CHST11: variants seen among roughly 807,000 people sequenced by gnomAD.
The protein encoded by CHST11 is C4S-1.
In CHST11, 9 loss-of-function variants were observed where a neutral mutation model predicts 30.4. The ratio of observed to expected loss-of-function variants is 0.30; its 90% CI spans 0.18 to 0.52. The LOEUF is 0.52. Ranked by LOEUF, CHST11 falls within the 20% of genes least tolerant of loss-of-function variation. The pLI, the probability that CHST11 is intolerant of heterozygous loss-of-function variation, is 0.97. For missense variants in CHST11, 348 were observed against 460.6 expected, an observed-to-expected ratio of 0.76 and a Z score of 2.24; for synonymous variants, 152 against 187.8, an observed-to-expected ratio of 0.81 and a Z score of 1.56.
intron 2 of CHST11, among the ~76,000 whole-genome samples, chr12:104,631,288 T>G (rs1261306658): frequency 6.6e-6 from 1 of 152,232 alleles, no homozygotes; most frequent in Non-Finnish European, 1.5e-5. Context: ...AGTCATTCAC[T>G]CTTCCTCAGA....
chr12:104,663,290 C>T (rs537053840), intron 2 of CHST11, among the ~76,000 whole-genome samples: 2 of 152,320 alleles, frequency 1.3e-5, no homozygotes, highest in East Asian at 3.9e-4. Flanking sequence ...TTTGTGAATA[C>T]TTTTTCTTCT....
At chr12:104,508,666 G>T (rs1334524226) in intron 1 of CHST11, among the ~76,000 whole-genome samples, 1 of 152,104 alleles carries the variant, frequency 6.6e-6, no homozygotes, top group Non-Finnish European at 1.5e-5. Context: ...CCAACCATCA[G>T]CTTTATCCTT....
chr12:104,636,167 C>G (rs1168511079), intron 2 of CHST11, among the ~76,000 whole-genome samples: 6 of 152,168 alleles, frequency 3.9e-5, no homozygotes, highest in Non-Finnish European at 4.4e-5. Flanking sequence ...GAGGCCAGAT[C>G]AGATCCAAGC....
At chr12:104,488,137 AT>A (rs72178473) in intron 1 of CHST11, among the ~76,000 whole-genome samples, 11,828 of 150,360 alleles carry the variant, frequency 0.079, 569 homozygotes, top group East Asian at 0.21. Context: ...TATATGGATG[AT>A]TTTTTTTTTC....
chr12:104,616,040 G>C (rs1327271645), intron 2 of CHST11, among the ~76,000 whole-genome samples: 1 of 152,196 alleles, frequency 6.6e-6, no homozygotes, highest in East Asian at 1.9e-4. Flanking sequence ...ACCAAGTGAA[G>C]GCTGTTTGCT....
intron 1 of CHST11, among the ~76,000 whole-genome samples, chr12:104,583,816 A>G (rs532173945): frequency 6.6e-6 from 1 of 151,734 alleles, no homozygotes; most frequent in East Asian, 2.0e-4. Context: ...GGGTTCAAGC[A>G]AGTCTCCTGC....
intron 2 of CHST11, among the ~76,000 whole-genome samples, chr12:104,627,246 G>A (rs1419999349): frequency 6.6e-6 from 1 of 152,112 alleles, no homozygotes; most frequent in African/African-American, 2.4e-5. Flanking sequence ...ACCTACTGCA[G>A]GACATCTTGG....
At chr12:104,540,875 G>A (rs1017228586) in intron 1 of CHST11, among the ~76,000 whole-genome samples, 1 of 152,124 alleles carries the variant, frequency 6.6e-6, no homozygotes, top group Non-Finnish European at 1.5e-5. Flanking sequence ...AAGTGAAGGG[G>A]TGAGGTAGAA....
intron 1 of CHST11, among the ~76,000 whole-genome samples, chr12:104,529,529 G>A (rs186833428): frequency 6.6e-5 from 10 of 152,300 alleles, no homozygotes; most frequent in East Asian, 3.9e-4. Context: ...TGATTTCTCC[G>A]TGATACATGG....
chr12:104,693,468 A>G (rs2039917153), intron 2 of CHST11, among the ~76,000 whole-genome samples: 1 of 152,240 alleles, frequency 6.6e-6, no homozygotes, highest in Non-Finnish European at 1.5e-5. Flanking sequence ...CAACAGGCAT[A>G]AGATGAGGCT....
At chr12:104,489,092 A>G (rs1200911758) in intron 1 of CHST11, among the ~76,000 whole-genome samples, 1 of 151,554 alleles carries the variant, frequency 6.6e-6, no homozygotes, top group Non-Finnish European at 1.5e-5. Context: ...GCTGGAGTGC[A>G]ATGGCATGAT....
At chr12:104,604,045 T>C (rs967367301) in intron 2 of CHST11, among the ~76,000 whole-genome samples, 4 of 152,024 alleles carry the variant, frequency 2.6e-5, no homozygotes, top group Non-Finnish European at 5.9e-5. Context: ...GGAGAGGGTG[T>C]GTGCTTAGCC....
intron 1 of CHST11, among the ~76,000 whole-genome samples, chr12:104,544,499 G>A (rs1310258886): frequency 6.6e-6 from 1 of 152,002 alleles, no homozygotes; most frequent in African/African-American, 2.4e-5. Flanking sequence ...CTGAGGCCAG[G>A]AGTTCGAGAC....
chr12:104,747,342 C>T lies in CHST11; in HGVS notation c.205-9607C>T, dbSNP rs140016733. On this transcript the variant is annotated intron_variant, in intron 2 of 2. Coordinates refer to ENST00000303694, the MANE Select transcript of CHST11 (RefSeq NM_018413.6). ...AGCTTGAGCAAGTTAATTATTCTCCCTGTGCCTGTTTCCTTATCCACAAGT... is the reference window on the plus strand; with the variant it reads ...AGCTTGAGCAAGTTAATTATTCTCCTTGTGCCTGTTTCCTTATCCACAAGT... Among the ~76,000 whole-genome samples the T allele has an allele frequency of 2.8e-4, 42 of 152,342 alleles. No homozygotes were observed. In the East Asian group the frequency reaches 7.7e-3, roughly 28 times the overall value.
intron 2 of CHST11, among the ~76,000 whole-genome samples, chr12:104,613,163 A>T (rs1422796695): frequency 3.3e-5 from 5 of 151,794 alleles, no homozygotes; most frequent in African/African-American, 1.2e-4. Context: ...AGCCATGATC[A>T]TGCCACTGCT....
At position 104,458,605 on chromosome 12, in the gene CHST11, C is replaced by T. The variant is rs1362935652; in HGVS notation, c.118+1076C>T. The stretch of plus-strand genomic sequence containing the variant: ...GAAGCCTTCCGGGTAACGCGGGTCT[C>T]CCCGCCAAGCCGTGGCTCCCCTGCT... On this transcript the variant is annotated intron_variant, in intron 1 of 2. Coordinates refer to ENST00000303694, the MANE Select transcript of CHST11 (RefSeq NM_018413.6). The surrounding 1 kb of genome is among the most constrained non-coding windows in gnomAD (Gnocchi z 5.7). Among the ~76,000 whole-genome samples, 1 of 152,216 alleles carries T rather than the reference C, an allele frequency of 6.6e-6. No individual in the cohort carries two copies. Among genetic ancestry groups the T allele is most frequent in the East Asian group, 1.9e-4 (1 of 5,186 alleles).
At chr12:104,546,071 A>T (rs1355511409) in intron 1 of CHST11, among the ~76,000 whole-genome samples, 1 of 152,156 alleles carries the variant, frequency 6.6e-6, no homozygotes, top group Non-Finnish European at 1.5e-5. Context: ...GGGGATTTCG[A>T]CACACGCATT....
rs529252514 is a variant in CHST11 at position 104,741,358 on chromosome 12, C to G, written c.205-15591C>G. Among the ~76,000 whole-genome samples the G allele has an allele frequency of 9.8e-4, 149 of 152,284 alleles. 2 individuals are homozygous for G. Among genetic ancestry groups the G allele is most frequent in the African/African-American group, 3.4e-3 (143 of 41,550 alleles). On this transcript the variant is annotated intron_variant, in intron 2 of 2. Transcript: ENST00000303694. ...CACCTCTCTCTTGGGGGAGGACCAG[C>G]CTTCCTCTCACTGGAAGCATGCAAC...
chr12:104,518,874 T>G (rs745422080), intron 1 of CHST11, among the ~76,000 whole-genome samples: 8 of 152,246 alleles, frequency 5.3e-5, no homozygotes, highest in African/African-American at 2.4e-5. Context: ...CTGAGGTTTA[T>G]GGTGTTTCTA....
Sources: gnomAD v4.1 joint callset for allele counts (sites outside exome capture counted in the v4.1 genomes callset) on GRCh38, gnomAD v4.1.1 for gene constraint, Gnocchi (gnomAD v3.1) non-coding constraint, MANE v1.5 for transcripts, NCBI Gene and HGNC (gene_info 2026-07-23, HGNC 2026-07-21) for gene names.